The following ZKSCAN2 variants were observed in gnomAD, a reference collection of about 807,000 sequenced individuals.
ZKSCAN2 encodes the protein zinc finger protein with KRAB and SCAN domains 2.
In ZKSCAN2, 38 loss-of-function variants were observed where a neutral mutation model predicts 90.5. The ratio of observed to expected loss-of-function variants is 0.42; its 90% CI spans 0.32 to 0.55. The LOEUF is 0.55. Ranked by LOEUF, ZKSCAN2 falls within the 20% of genes least tolerant of loss-of-function variation. The pLI is 0.11. For synonymous variants in ZKSCAN2, 429 were observed against 421.6 expected (o/e 1.02, Z -0.22); for missense variants, 1,167 against 1,202.6 (o/e 0.97, Z 0.44).
intron 6 of ZKSCAN2, among the ~76,000 whole-genome samples, chr16:25,241,812 A>G (rs1962858506): frequency 1.3e-5 from 2 of 152,166 alleles, no homozygotes. Flanking sequence ...AGGCTGTGGC[A>G]TGGGATGGGG....
intron 6 of ZKSCAN2, among the ~76,000 whole-genome samples, chr16:25,241,480 A>AAGTCTG (rs1340283901): frequency 1.3e-5 from 2 of 152,332 alleles, no homozygotes; most frequent in African/African-American, 4.8e-5. Context: ...AAACACAGAA[A>AAGTCTG]AGTCTGGAGA....
intron 5 of ZKSCAN2, among the ~76,000 whole-genome samples, chr16:25,245,087 C>A (rs1461820080): frequency 6.6e-6 from 1 of 152,130 alleles, no homozygotes; most frequent in Non-Finnish European, 1.5e-5. Context: ...CATAATGCAT[C>A]TTCCCATCTT....
rs746378839 is a variant in ZKSCAN2 at position 25,247,109 on chromosome 16, T to C, written c.1087A>G (p.Thr363Ala). 6.2e-7 allele frequency: 1 copy of C among 1,614,178 alleles called. No individual in the cohort carries two copies. Among genetic ancestry groups the C allele is most frequent in the Non-Finnish European group, 8.5e-7 (1 of 1,180,032 alleles). Residue 363 changes from threonine (T) to alanine (A), a missense_variant, in exon 5 of 7, where the codon ACA becomes GCA. By Grantham distance (58) the Thr-to-Ala change is moderately conservative (BLOSUM62 0). Transcript: ENST00000328086. Reference protein sequence around the residue: ...AILKESRFYETLQACPRNSQV... With the variant: ...AILKESRFYEALQACPRNSQV... ...CTATTTCGGGGACAGGCCTGAAGTGTTTCATAAAAGCGAGACTCTTTGAGA... is the reference window on the plus strand; with the variant it reads ...CTATTTCGGGGACAGGCCTGAAGTGCTTCATAAAAGCGAGACTCTTTGAGA...
Position 25,256,985 on chromosome 16 carries a change from A to T in ZKSCAN2, c.143T>A (p.Phe48Tyr). The T allele has an allele frequency of 6.2e-7, 1 of 1,614,204 alleles. No individual in the cohort carries two copies. The highest frequency in any genetic ancestry group is 8.5e-7 in the Non-Finnish European group (1 of 1,180,024). ...CACATCCTCATAACAGAATTGCCTG[A>T]AGCATTTGCGGAAGGTCTCAGAGCT... is the stretch of plus-strand genomic sequence containing the variant. ...SDSSETFRKCFRQFCYEDVTG... is the reference protein window; with the variant it reads ...SDSSETFRKCYRQFCYEDVTG... Residue 48 changes from phenylalanine (F) to tyrosine (Y), a missense_variant, in exon 1 of 7, where the codon TTC (phenylalanine) becomes TAC (tyrosine). Coordinates refer to ENST00000328086, the MANE Select transcript of ZKSCAN2 (RefSeq NM_001012981.5).
At chr16:25,246,602 G>C in intron 5 of ZKSCAN2, 105 bp downstream of exon 5, 1 of 1,125,920 alleles carries the variant, frequency 8.9e-7, no homozygotes, top group Non-Finnish European at 1.3e-6. Context: ...AAGTGGTGAG[G>C]TGTGTGTGAC....
Position 25,237,829 on chromosome 16 carries a change from A to C in ZKSCAN2, c.*1987T>G, listed in dbSNP as rs564725950. ...TATTATTAAGTGGTGATTTCTATTAATTTACATCTTCTCTAGAGCTGGAAT... is the reference window on the plus strand; with the variant it reads ...TATTATTAAGTGGTGATTTCTATTACTTTACATCTTCTCTAGAGCTGGAAT... On this transcript the variant is annotated 3_prime_UTR_variant, in exon 7 of 7. Coordinates refer to ENST00000328086, the MANE Select transcript of ZKSCAN2 (RefSeq NM_001012981.5). 1 of 152,356 alleles carries C rather than the reference A, an allele frequency of 6.6e-6. No homozygotes were observed. Among genetic ancestry groups the C allele is most frequent in the Non-Finnish European group, 1.5e-5 (1 of 68,034 alleles). The allele number at this position is 152,356 out of a possible 1,614,324, so 9.4% of individuals were successfully genotyped here.
chr16:25,248,022 G>A (rs971761767), intron 4 of ZKSCAN2, among the ~76,000 whole-genome samples: 2 of 152,066 alleles, frequency 1.3e-5, no homozygotes, highest in African/African-American at 4.8e-5. Context: ...TCAACAAATG[G>A]TGCTCGGAAA....
chr16:25,239,647 C>A lies in ZKSCAN2; in HGVS notation c.*169G>T, dbSNP rs1213856460. On this transcript the variant is annotated 3_prime_UTR_variant, in exon 7 of 7. Coordinates refer to ENST00000328086, the MANE Select transcript of ZKSCAN2 (RefSeq NM_001012981.5). ...GCTGAGACACACAGAAGAGGAGGAA[C>A]AGACTGATGAAGTTAGAGGCAGAGG... The A allele has an allele frequency of 1.7e-6, 1 of 585,992 alleles. No homozygotes were observed. The highest frequency in any genetic ancestry group is 1.9e-5 in the African/African-American group (1 of 53,930). 36.3% of individuals were successfully genotyped at this position (585,992 alleles called of 1,614,324 possible). A position where few individuals can be genotyped will look rare whatever the true frequency, so the allele number is the denominator to read the frequency against.
chr16:25,242,403 T>C (rs140530663), intron 6 of ZKSCAN2, among the ~76,000 whole-genome samples: 9 of 152,314 alleles, frequency 5.9e-5, no homozygotes, highest in Non-Finnish European at 1.2e-4. Context: ...CTAGAGTCAC[T>C]TGCTTCAATA....
Position 25,237,067 on chromosome 16 carries a change from CAT to C in ZKSCAN2, c.*2747_*2748del, listed in dbSNP as rs755440453. 5 of 150,508 alleles carry C rather than the reference CAT, an allele frequency of 3.3e-5. No homozygotes were observed. Among genetic ancestry groups the C allele is most frequent in the Admixed American group, 6.7e-5 (1 of 14,952 alleles). The allele number at this position is 150,508 out of a possible 1,614,324, so 9.3% of individuals were successfully genotyped here. A position where few individuals can be genotyped will look rare whatever the true frequency, so the allele number is the denominator to read the frequency against. On this transcript the variant is annotated 3_prime_UTR_variant, in exon 7 of 7. Coordinates refer to ENST00000328086, the MANE Select transcript of ZKSCAN2 (RefSeq NM_001012981.5). ...ATACATACATACAGATCTACACACA[CAT>C]GTAGACGTGTGTGTGTACACATACT...
At chr16:25,240,818 G>A (rs753721993) in intron 6 of ZKSCAN2, 80 bp from the exon 7 acceptor site, 14 of 1,161,396 alleles carry the variant, frequency 1.2e-5, no homozygotes, top group Non-Finnish European at 1.6e-5. Context: ...GGCTTGATCC[G>A]CTTGCTCTCC....
chr16:25,240,954 T>G (rs1036064704), intron 6 of ZKSCAN2, among the ~76,000 whole-genome samples: 4 of 152,176 alleles, frequency 2.6e-5, no homozygotes, highest in Non-Finnish European at 1.5e-5. Context: ...TCCTGCATTA[T>G]AATCCAAGCC....
intron 4 of ZKSCAN2, among the ~76,000 whole-genome samples, chr16:25,250,778 T>C (rs901067338): frequency 6.6e-6 from 1 of 152,148 alleles, no homozygotes; most frequent in Non-Finnish European, 1.5e-5. Context: ...GTTTTTGAGA[T>C]GGAGTTTTGC....
At chr16:25,246,543 A>G (rs974220044) in intron 5 of ZKSCAN2, 164 bp downstream of exon 5, 2 of 691,470 alleles carry the variant, frequency 2.9e-6, no homozygotes, top group African/African-American at 3.6e-5. Context: ...CAATGGGGGC[A>G]GCAGCAAGCA....
chr16:25,243,133 C>T (rs1362890450), intron 6 of ZKSCAN2, among the ~76,000 whole-genome samples: 1 of 152,192 alleles, frequency 6.6e-6, no homozygotes, highest in African/African-American at 2.4e-5. Flanking sequence ...ATAAGATATT[C>T]TTCTTTTGTG....
rs941186348 is a variant in ZKSCAN2 at position 25,236,861 on chromosome 16, G to A, written c.*2955C>T. The A allele has an allele frequency of 1.4e-4, 21 of 152,468 alleles. No homozygotes were observed. Among genetic ancestry groups the A allele is most frequent in the African/African-American group, 4.8e-4 (20 of 41,446 alleles). The allele number at this position is 152,468 out of a possible 1,614,324, so 9.4% of individuals were successfully genotyped here. ...TTCGATAAGATGATAGTGAAAAGTT[G>A]TCAGTCTATGCTGCTTTTCAAAAAC... On this transcript the variant is annotated 3_prime_UTR_variant, in exon 7 of 7. Transcript: ENST00000328086.
chr16:25,256,710 T>G lies in ZKSCAN2; in HGVS notation c.399+19A>C, dbSNP rs776168549. The stretch of plus-strand genomic sequence containing the variant: ...TTCCCTTTTTTCTAAGTACAAAAAT[T>G]TGGAAAATCCTCTCTCACCTGCTGT... On this transcript the variant is annotated intron_variant, in intron 1 of 6. Transcript: ENST00000328086. The G allele has an allele frequency of 6.3e-7, 1 of 1,587,036 alleles. No homozygotes were observed. Among genetic ancestry groups the G allele is most frequent in the Non-Finnish European group, 8.6e-7 (1 of 1,167,700 alleles).
chr16:25,255,536 G>T, intron 1 of ZKSCAN2, 144 bp from the exon 2 acceptor site: 1 of 842,154 alleles, frequency 1.2e-6, no homozygotes, highest in Non-Finnish European at 1.8e-6. Flanking sequence ...CTCTGAGAGC[G>T]CTGGGCTGAG....
intron 5 of ZKSCAN2, among the ~76,000 whole-genome samples, chr16:25,244,891 A>AT (rs1397253389): frequency 6.6e-6 from 1 of 152,350 alleles, no homozygotes; most frequent in Non-Finnish European, 1.5e-5. Flanking sequence ...TTTTCAGGGC[A>AT]TATCTAAATA....
Sources: gnomAD v4.1 joint callset for allele counts (sites outside exome capture counted in the v4.1 genomes callset) on GRCh38, gnomAD v4.1.1 for gene constraint, MANE v1.5 for transcripts, NCBI Gene and HGNC (gene_info 2026-07-23, HGNC 2026-07-21) for gene names.